DTNB: variants seen among roughly 807,000 people sequenced by gnomAD.
The protein encoded by DTNB is dystrobrevin beta.
Under a neutral mutation model 90.7 loss-of-function variants are expected in DTNB, and 63 were observed. The ratio of observed to expected loss-of-function variants is 0.69; its 90% CI spans 0.57 to 0.86. DTNB has a LOEUF of 0.86. Among genes scored for constraint, DTNB ranks in the 40% least tolerant of loss-of-function variants. The pLI is 0.00. For synonymous variants in DTNB, 277 were observed against 286.7 expected (o/e 0.97, Z 0.34); for missense variants, 744 against 807.1 (o/e 0.92, Z 0.95).
intron 6 of DTNB, among the ~76,000 whole-genome samples, chr2:25,591,219 CCT>C (rs1345727779): frequency 1.3e-5 from 2 of 152,198 alleles, no homozygotes; most frequent in African/African-American, 4.8e-5. Flanking sequence ...TTCCCAGGCC[CCT>C]GACAGTGCAG....
At position 25,637,024 on chromosome 2, in the gene DTNB, G is replaced by T. The variant is rs556717210; in HGVS notation, c.148+1990C>A. Among the ~76,000 whole-genome samples the T allele has an allele frequency of 2.0e-5, 3 of 151,904 alleles. No individual in the cohort carries two copies. The South Asian group carries it at 6.2e-4, about 32-fold the overall frequency. On this transcript the variant is annotated intron_variant, in intron 3 of 20. Coordinates refer to ENST00000406818, the MANE Select transcript of DTNB (RefSeq NM_021907.5). The stretch of plus-strand genomic sequence containing the variant: ...TTGTTTATAATAAATGGCAAAACCA[G>T]GTCTAACAGAGCCCTCAGAAATAAT...
chr2:25,588,739 A>G (rs1453272435), intron 6 of DTNB, among the ~76,000 whole-genome samples: 1 of 152,230 alleles, frequency 6.6e-6, no homozygotes, highest in Non-Finnish European at 1.5e-5. Flanking sequence ...ACAAATGATC[A>G]GCTATGATCA....
chr2:25,461,345 G>A (rs1249726477), intron 10 of DTNB, among the ~76,000 whole-genome samples: 1 of 152,202 alleles, frequency 6.6e-6, no homozygotes, highest in African/African-American at 2.4e-5. Flanking sequence ...GGTGTGGGGT[G>A]TAATGTTCTT....
intron 3 of DTNB, among the ~76,000 whole-genome samples, chr2:25,638,790 T>C (rs1001457383): frequency 1.3e-5 from 2 of 152,204 alleles, no homozygotes; most frequent in African/African-American, 4.8e-5. Flanking sequence ...AGAACATTAA[T>C]ACTACAACAG....
chr2:25,429,267 C>T (rs1194157238), intron 14 of DTNB, among the ~76,000 whole-genome samples: 1 of 152,048 alleles, frequency 6.6e-6, no homozygotes, highest in Non-Finnish European at 1.5e-5. Flanking sequence ...TTAATGACGC[C>T]TATTACTTTT....
chr2:25,460,895 G>GTT (rs1170681020), intron 10 of DTNB, among the ~76,000 whole-genome samples: 1 of 120,656 alleles, frequency 8.3e-6, no homozygotes, highest in Non-Finnish European at 2.0e-5. Flanking sequence ...GCCAAGAAAG[G>GTT]TTTTTTGTTT....
Position 25,652,624 on chromosome 2 carries a change from C to T in DTNB, c.37G>A (p.Ala13Thr), listed in dbSNP as rs2081179825. 1 of 1,612,692 alleles carries T rather than the reference C, an allele frequency of 6.2e-7. No homozygotes were observed. Among genetic ancestry groups the T allele is most frequent in the African/African-American group, 1.3e-5 (1 of 74,710 alleles). Residue 13 changes from alanine (A) to threonine (T), a missense_variant, in exon 2 of 21, where the codon GCA (alanine) becomes ACA (threonine). Ala to Thr is a moderately conservative substitution (Grantham distance 58, BLOSUM62 0). Coordinates refer to ENST00000406818, the MANE Select transcript of DTNB (RefSeq NM_021907.5). ...TCTATGAACAGCTGCCTCTTCTCTG[C>T]CATGGTCTTCCGCTTGTTCCCACTT... ...EESGNKRKTM[A>T]EKRQLFIEMR...
chr2:25,651,147 T>G (rs1231849290), intron 2 of DTNB, among the ~76,000 whole-genome samples: 1 of 152,196 alleles, frequency 6.6e-6, no homozygotes, highest in African/African-American at 2.4e-5. Flanking sequence ...ATATTAAGTA[T>G]GTACTACTTA....
intron 2 of DTNB, among the ~76,000 whole-genome samples, chr2:25,649,542 G>A (rs947190180): frequency 3.3e-5 from 5 of 151,972 alleles, no homozygotes; most frequent in African/African-American, 1.2e-4. Flanking sequence ...ACCATAGTGT[G>A]AACCCATCAC....
intron 5 of DTNB, among the ~76,000 whole-genome samples, chr2:25,603,713 A>G (rs1303463636): frequency 6.6e-6 from 1 of 152,230 alleles, no homozygotes; most frequent in African/African-American, 2.4e-5. Context: ...GAGAAAACTT[A>G]ATATAACAGG....
intron 5 of DTNB, among the ~76,000 whole-genome samples, chr2:25,603,975 A>G (rs1418097845): frequency 6.6e-6 from 1 of 152,240 alleles, no homozygotes; most frequent in African/African-American, 2.4e-5. Context: ...GCTAACAATC[A>G]TACTACACAA....
At chr2:25,444,086 A>G (rs1032013071) in intron 12 of DTNB, among the ~76,000 whole-genome samples, 1 of 152,192 alleles carries the variant, frequency 6.6e-6, no homozygotes, top group African/African-American at 2.4e-5. Context: ...CAAGTTTTCC[A>G]TAATGAATTT....
chr2:25,650,325 C>G (rs2080593887), intron 2 of DTNB: 1 of 760,934 alleles, frequency 1.3e-6, no homozygotes, highest in Non-Finnish European at 1.6e-6. Flanking sequence ...GCCCTAGCAC[C>G]CAGAATAGTG....
intron 3 of DTNB, among the ~76,000 whole-genome samples, chr2:25,629,764 G>A (rs1360204153): frequency 2.0e-5 from 3 of 152,172 alleles, no homozygotes; most frequent in Non-Finnish European, 4.4e-5. Context: ...TCCTCAACCT[G>A]ATAAAGGGCA....
chr2:25,545,453 G>C (rs1337796289), intron 8 of DTNB, among the ~76,000 whole-genome samples: 1 of 152,206 alleles, frequency 6.6e-6, no homozygotes, highest in Non-Finnish European at 1.5e-5. Context: ...AGCTGTGGAA[G>C]TGTATGGCTA....
chr2:25,455,117 G>C (rs576059561), intron 11 of DTNB, among the ~76,000 whole-genome samples: 1 of 152,136 alleles, frequency 6.6e-6, no homozygotes, highest in African/African-American at 2.4e-5. Context: ...TGAGTACTGC[G>C]ATCCCTCATA....
chr2:25,455,343 A>G (rs1436690593), intron 11 of DTNB, 62 bp downstream of exon 11: 17 of 1,474,594 alleles, frequency 1.2e-5, no homozygotes, highest in Non-Finnish European at 1.3e-5. Context: ...AACCCCAGGT[A>G]GCAAAGCTCT....
At chr2:25,664,059 T>C (rs545493069) in intron 1 of DTNB, among the ~76,000 whole-genome samples, 42 of 152,308 alleles carry the variant, frequency 2.8e-4, no homozygotes, top group African/African-American at 9.6e-4. Context: ...ATATCTCAAT[T>C]TATAAGATTA....
At chr2:25,462,523 T>A (rs1431258763) in intron 10 of DTNB, among the ~76,000 whole-genome samples, 1 of 152,180 alleles carries the variant, frequency 6.6e-6, no homozygotes, top group Non-Finnish European at 1.5e-5. Context: ...AGTCCCCTCA[T>A]CTGTAAAATA....
Sources: gnomAD v4.1 joint callset for allele counts (sites outside exome capture counted in the v4.1 genomes callset) on GRCh38, gnomAD v4.1.1 for gene constraint, MANE v1.5 for transcripts, NCBI Gene and HGNC (gene_info 2026-07-23, HGNC 2026-07-21) for gene names.